RXFP1: variants seen among roughly 807,000 people sequenced by gnomAD.
RXFP1 encodes relaxin receptor 1.
In RXFP1, 73 loss-of-function variants were observed where a neutral mutation model predicts 89.8. The ratio of observed to expected loss-of-function variants is 0.81; its 90% CI spans 0.67 to 0.99. RXFP1 has a LOEUF of 0.99. Among genes scored for constraint, RXFP1 ranks in the 50% least tolerant of loss-of-function variants. The pLI, the probability that RXFP1 is intolerant of heterozygous loss-of-function variation, is 0.00. For synonymous variants in RXFP1, 277 were observed against 305.5 expected (o/e 0.91, Z 0.97); for missense variants, 793 against 895.5 (o/e 0.89, Z 1.46).
intron 2 of RXFP1, among the ~76,000 whole-genome samples, chr4:158,580,941 G>A (rs1048262667): frequency 4.6e-5 from 7 of 152,066 alleles, no homozygotes; most frequent in African/African-American, 1.7e-4. Flanking sequence ...GGTATTACAG[G>A]CACCTGCCAC....
intron 17 of RXFP1, 129 bp from the exon 18 acceptor site, chr4:158,651,628 A>C: frequency 1.6e-6 from 1 of 633,718 alleles, no homozygotes; most frequent in Non-Finnish European, 2.6e-6. Flanking sequence ...CTTGGTATTT[A>C]ATTATGTGAC....
In RXFP1 at chr4:158,636,041, T is replaced by C. The variant is rs561811038; in HGVS notation, c.972-1967T>C. Among the ~76,000 whole-genome samples, 11 of 152,144 alleles carry C rather than the reference T, an allele frequency of 7.2e-5. No homozygotes were observed. In the East Asian group the frequency reaches 2.1e-3, roughly 29 times the overall value. Reference sequence around the variant, plus strand: ...TTCCTGAGAAGTTTCCTTTAATCAATGATTCTTGTTTCAAGGTGTTGTTTT... The same window carrying C: ...TTCCTGAGAAGTTTCCTTTAATCAACGATTCTTGTTTCAAGGTGTTGTTTT... On this transcript the variant is annotated intron_variant, in intron 12 of 17. Coordinates refer to ENST00000307765, the MANE Select transcript of RXFP1 (RefSeq NM_021634.4).
At chr4:158,535,876 C>T (rs67273987) in intron 1 of RXFP1, among the ~76,000 whole-genome samples, 27,900 of 152,100 alleles carry the variant, frequency 0.18, 3,243 homozygotes, top group African/African-American at 0.31. Context: ...TTCCTATTTC[C>T]CTTGTGTTAT....
chr4:158,568,242 C>G (rs1403524570), intron 1 of RXFP1, among the ~76,000 whole-genome samples: 1 of 152,220 alleles, frequency 6.6e-6, no homozygotes, highest in Non-Finnish European at 1.5e-5. Flanking sequence ...TCTGCGGCTT[C>G]ATTGTTGAAG....
chr4:158,566,512 C>T (rs554723452), intron 1 of RXFP1, among the ~76,000 whole-genome samples: 57 of 152,086 alleles, frequency 3.7e-4, no homozygotes, highest in Non-Finnish European at 6.8e-4. Flanking sequence ...TACAGGCGCC[C>T]GCCATCACAC....
chr4:158,596,115 G>GA (rs200058678), intron 3 of RXFP1, among the ~76,000 whole-genome samples: 8 of 148,368 alleles, frequency 5.4e-5, no homozygotes, highest in African/African-American at 1.2e-4. Flanking sequence ...CTCAGAGGCA[G>GA]AAAAAAAAAC....
In RXFP1 at chr4:158,649,766, G is replaced by A. The variant is rs1397009907; in HGVS notation, c.1975+1049G>A. ...GAATTGCTGGTAGAAAAATAAAATG[G>A]TACAGCTGCTATGGAAGACAATATG... On this transcript the variant is annotated intron_variant, in intron 17 of 17. Coordinates refer to ENST00000307765, the MANE Select transcript of RXFP1 (RefSeq NM_021634.4). Among the ~76,000 whole-genome samples the A allele has an allele frequency of 3.3e-5, 5 of 152,270 alleles. No individual in the cohort carries two copies. In the South Asian group the frequency reaches 6.2e-4, roughly 19 times the overall value.
chr4:158,646,969 G>A lies in RXFP1; in HGVS notation c.1524G>A (p.Leu508=). Residue 508 remains leucine (L), a synonymous_variant, in exon 16 of 18, where the codon TTG becomes TTA. Transcript: ENST00000307765. Reference sequence around the variant, plus strand: ...TTTTACTGTTAACATTTCTGACATTGGAAAAATACATCTGCATTGTCTATC... The same window carrying A: ...TTTTACTGTTAACATTTCTGACATTAGAAAAATACATCTGCATTGTCTATC... ...VSVLLLTFLT[L]EKYICIVYPF... is the part of the protein sequence containing the mutation. 1 of 1,614,064 alleles carries A rather than the reference G, an allele frequency of 6.2e-7. No individual in the cohort carries two copies. The highest frequency in any genetic ancestry group is 1.1e-5 in the South Asian group (1 of 91,084).
chr4:158,617,146 C>A lies in RXFP1; in HGVS notation c.696C>A (p.Asn232Lys). Residue 232 changes from asparagine (N) to lysine (K), a missense_variant, in exon 9 of 18, where the codon AAC becomes AAA. Physicochemically the swap from Asn to Lys is moderately conservative, Grantham distance 94. Transcript: ENST00000307765. ...CCTTTTTCAGAGTCCTGATGAATAACGTCCTCACCCGTTTACCTGATAAAC... is the reference window on the plus strand; with the variant it reads ...CCTTTTTCAGAGTCCTGATGAATAAAGTCCTCACCCGTTTACCTGATAAAC... ...NSLILLVLMN[N>K]VLTRLPDKPL... 1 of 1,607,098 alleles carries A rather than the reference C, an allele frequency of 6.2e-7. No individual in the cohort carries two copies. The highest frequency in any genetic ancestry group is 8.5e-7 in the Non-Finnish European group (1 of 1,176,212).
At chr4:158,614,338 G>A (rs1465077105) in intron 8 of RXFP1, among the ~76,000 whole-genome samples, 1 of 152,194 alleles carries the variant, frequency 6.6e-6, no homozygotes, top group Non-Finnish European at 1.5e-5. Flanking sequence ...CTCTAGCTAT[G>A]AAAGTCTTGT....
rs1561040106 is a variant in RXFP1 at position 158,572,687 on chromosome 4, C to G, written c.50-11C>G. On this transcript the variant is annotated splice_polypyrimidine_tract_variant and intron_variant, in intron 1 of 17. Coordinates refer to ENST00000307765, the MANE Select transcript of RXFP1 (RefSeq NM_021634.4). Reference sequence around the variant, plus strand: ...ACCTTCAAACTTTGTGTCTTCTCCCCTTTTCCTCAGTTTCTCATGGGGGTG... The same window carrying G: ...ACCTTCAAACTTTGTGTCTTCTCCCGTTTTCCTCAGTTTCTCATGGGGGTG... 6.2e-7 allele frequency: 1 copy of G among 1,614,030 alleles called. No individual in the cohort carries two copies. Among genetic ancestry groups the G allele is most frequent in the Non-Finnish European group, 8.5e-7 (1 of 1,179,888 alleles).
chr4:158,542,382 A>G (rs1747026653), intron 1 of RXFP1, among the ~76,000 whole-genome samples: 1 of 152,004 alleles, frequency 6.6e-6, no homozygotes, highest in African/African-American at 2.4e-5. Flanking sequence ...ATATTCTTCA[A>G]TTCAGGTGTG....
At chr4:158,522,306 A>G (rs1741373036) in intron 1 of RXFP1, among the ~76,000 whole-genome samples, 1 of 152,192 alleles carries the variant, frequency 6.6e-6, no homozygotes, top group African/African-American at 2.4e-5. Flanking sequence ...CAACATTATA[A>G]TATTTAAAGA....
At chr4:158,550,711 A>C (rs574410288) in intron 1 of RXFP1, among the ~76,000 whole-genome samples, 2 of 152,344 alleles carry the variant, frequency 1.3e-5, no homozygotes, top group Admixed American at 1.3e-4. Context: ...TTCAGGGCTC[A>C]TAAGCTAGTC....
rs137856166 is a variant in RXFP1, at chr4:158,583,317, A to C, written c.188-10084A>C. 2.5e-3 allele frequency among the ~76,000 whole-genome samples: 378 copies of C among 152,370 alleles called. 5 individuals carry two copies. The highest frequency in any genetic ancestry group is 8.4e-3 in the African/African-American group (351 of 41,584). ...TTCCATTATTTCCCAAGTACAACTTACTATACAGCTATCAGAATGATGGCA... is the reference window on the plus strand; with the variant it reads ...TTCCATTATTTCCCAAGTACAACTTCCTATACAGCTATCAGAATGATGGCA... On this transcript the variant is annotated intron_variant, in intron 2 of 17. Transcript: ENST00000307765.
chr4:158,640,535 G>A (rs1441972893), intron 14 of RXFP1, among the ~76,000 whole-genome samples: 1 of 152,120 alleles, frequency 6.6e-6, no homozygotes, highest in African/African-American at 2.4e-5. Flanking sequence ...AAGAGGAGGT[G>A]CCAGCTCTTT....
At chr4:158,648,476 A>C in intron 16 of RXFP1, 23 bp from the exon 17 acceptor site, 1 of 1,375,906 alleles carries the variant, frequency 7.3e-7, no homozygotes, top group Non-Finnish European at 1.0e-6. Context: ...ATGCATTAAT[A>C]ATACTGTTTG....
intron 2 of RXFP1, among the ~76,000 whole-genome samples, chr4:158,580,059 A>T (rs954120582): frequency 5.9e-5 from 9 of 152,126 alleles, no homozygotes; most frequent in African/African-American, 2.2e-4. Flanking sequence ...GACGGGTGAG[A>T]GGGGAGGCAT....
intron 2 of RXFP1, among the ~76,000 whole-genome samples, chr4:158,573,942 C>T (rs1455101341): frequency 1.3e-5 from 2 of 152,104 alleles, no homozygotes; most frequent in Non-Finnish European, 2.9e-5. Context: ...CTAAAAGAGA[C>T]AAAACAAACA....
Sources: allele counts gnomAD v4.1 joint callset (sites outside exome capture counted in the v4.1 genomes callset), GRCh38; gene constraint gnomAD v4.1.1; transcripts MANE v1.5; gene names NCBI Gene and HGNC (gene_info 2026-07-23, HGNC 2026-07-21).